IQGAP1: variants seen among roughly 807,000 people sequenced by gnomAD.
The protein encoded by IQGAP1 is ras GTPase-activating-like protein IQGAP1.
Under a neutral mutation model 215.6 loss-of-function variants are expected in IQGAP1, and 66 were observed. The ratio of observed to expected loss-of-function variants is 0.31; its 90% CI spans 0.25 to 0.38. The LOEUF (loss-of-function observed/expected upper bound fraction) is 0.38. Ranked by LOEUF, IQGAP1 falls within the 10% of genes least tolerant of loss-of-function variation. The probability of loss-of-function intolerance (pLI) is 1.00; values close to 1 mark genes in which losing one functional copy is unlikely to be tolerated. For synonymous variants in IQGAP1, 772 were observed against 728.7 expected, an observed-to-expected ratio of 1.06 and a Z score of -0.96; for missense variants, 1,712 against 1,997.1, an observed-to-expected ratio of 0.86 and a Z score of 2.72.
At chr15:90,416,969 G>A (rs1441672813) in intron 2 of IQGAP1, among the ~76,000 whole-genome samples, 1 of 152,126 alleles carries the variant, frequency 6.6e-6, no homozygotes, top group African/African-American at 2.4e-5. Context: ...GGCCAGTGAT[G>A]ACCATTTTTT....
chr15:90,466,102 C>G lies in IQGAP1; in HGVS notation c.1867+11C>G, dbSNP rs1395733423. ...AAGAAGCACAGAAGTGTATGTATCACCTGTTTTATTTCTGTTTTGGTGGAG... is the reference window on the plus strand; with the variant it reads ...AAGAAGCACAGAAGTGTATGTATCAGCTGTTTTATTTCTGTTTTGGTGGAG... On this transcript the variant is annotated intron_variant, in intron 16 of 37. Coordinates refer to ENST00000268182, the MANE Select transcript of IQGAP1 (RefSeq NM_003870.4). The G allele has an allele frequency of 6.2e-7, 1 of 1,612,126 alleles. No individual in the cohort carries two copies. The highest frequency in any genetic ancestry group is 1.1e-5 in the South Asian group (1 of 91,036).
chr15:90,487,427 TGC>T lies in IQGAP1; in HGVS notation c.4161-67_4161-66del, dbSNP rs1193669924. On this transcript the variant is annotated intron_variant, in intron 32 of 37. Coordinates refer to ENST00000268182, the MANE Select transcript of IQGAP1 (RefSeq NM_003870.4). ...CTGTTTGTGCTGCTGCTGCTGCTGC[TGC>T]TTCGGTCCACTTGAGAGGAACTAGA... The T allele has an allele frequency of 1.1e-5, 12 of 1,129,554 alleles. No individual in the cohort carries two copies. In the Admixed American group the frequency reaches 1.1e-4, roughly 10 times the overall value. 70.0% of individuals were successfully genotyped at this position (1,129,554 alleles called of 1,614,324 possible). A position where few individuals can be genotyped will look rare whatever the true frequency, so the allele number is the denominator to read the frequency against.
chr15:90,470,597 C>T (rs1965892150), intron 18 of IQGAP1, among the ~76,000 whole-genome samples: 1 of 152,028 alleles, frequency 6.6e-6, no homozygotes, highest in Non-Finnish European at 1.5e-5. Context: ...ATGGAATTTC[C>T]CTGATCTGGC....
At chr15:90,416,703 G>A (rs1381467054) in intron 2 of IQGAP1, among the ~76,000 whole-genome samples, 2 of 151,572 alleles carry the variant, frequency 1.3e-5, no homozygotes, top group African/African-American at 2.4e-5. Context: ...TCAGCCTCCC[G>A]AGTAGCTGGG....
Position 90,494,539 on chromosome 15 carries a change from T to A in IQGAP1, c.4629-174T>A, listed in dbSNP as rs915381209. 2.1e-5 allele frequency: 9 copies of A among 429,780 alleles called. No individual in the cohort carries two copies. In the Admixed American group the frequency reaches 3.0e-4, roughly 14 times the overall value. The allele number at this position is 429,780 out of a possible 1,614,324, so 26.6% of individuals were successfully genotyped here. A position where few individuals can be genotyped will look rare whatever the true frequency, so the allele number is the denominator to read the frequency against. ...GCAATTTAGTAATATTTCCCCTGTT[T>A]TGCAGAGATATTGCTTAGGCTAATT... On this transcript the variant is annotated intron_variant, in intron 35 of 37. Transcript: ENST00000268182.
Position 90,500,272 on chromosome 15 carries a change from C to T in IQGAP1, c.*164C>T, listed in dbSNP as rs932643170. 2 of 561,760 alleles carry T rather than the reference C, an allele frequency of 3.6e-6. No homozygotes were observed. Among genetic ancestry groups the T allele is most frequent in the Non-Finnish European group, 6.4e-6 (2 of 311,640 alleles). 34.8% of individuals were successfully genotyped at this position (561,760 alleles called of 1,614,324 possible). A position where few individuals can be genotyped will look rare whatever the true frequency, so the allele number is the denominator to read the frequency against. Reference sequence around the variant, plus strand: ...TTTAACTCCTCTCGCTCTGATGGGACATTTGTTACCCTTTTTTCATAGTGA... The same window carrying T: ...TTTAACTCCTCTCGCTCTGATGGGATATTTGTTACCCTTTTTTCATAGTGA... On this transcript the variant is annotated 3_prime_UTR_variant, in exon 38 of 38. Transcript: ENST00000268182.
Position 90,487,031 on chromosome 15 carries a change from A to G in IQGAP1, c.4102A>G (p.Lys1368Glu). The G allele has an allele frequency of 1.2e-6, 2 of 1,614,112 alleles. No homozygotes were observed. Among genetic ancestry groups the G allele is most frequent in the Non-Finnish European group, 1.7e-6 (2 of 1,179,986 alleles). ...KTEVSLTLTN[K>E]FDVPGDENAE... ...GGAAGTGTCTCTCACCCTGACCAAC[A>G]AGTTCGACGTGCCTGGAGATGAGAA... The change falls in exon 32 of 38, where the codon AAG becomes GAG. Residue 1368 changes from lysine (K) to glutamate (E), a missense_variant. Transcript: ENST00000268182.
intron 2 of IQGAP1, among the ~76,000 whole-genome samples, chr15:90,412,398 A>G (rs1191392142): frequency 6.6e-6 from 1 of 151,966 alleles, no homozygotes; most frequent in Non-Finnish European, 1.5e-5. Flanking sequence ...TTCTCCTACA[A>G]CTGCTCAGAA....
intron 2 of IQGAP1, among the ~76,000 whole-genome samples, chr15:90,417,652 T>C (rs1440815958): frequency 3.9e-5 from 6 of 152,180 alleles, no homozygotes; most frequent in Admixed American, 3.3e-4. Flanking sequence ...AGCATGATGC[T>C]TCCAGCTTTG....
At chr15:90,438,800 C>T (rs763475740) in intron 5 of IQGAP1, among the ~76,000 whole-genome samples, 3 of 151,398 alleles carry the variant, frequency 2.0e-5, no homozygotes, top group Non-Finnish European at 2.9e-5. Context: ...TCTCGGCTCA[C>T]TGCAGCCTTT....
At chr15:90,430,861 A>G (rs1240401176) in intron 4 of IQGAP1, among the ~76,000 whole-genome samples, 1 of 150,386 alleles carries the variant, frequency 6.6e-6, no homozygotes, top group Non-Finnish European at 1.5e-5. Flanking sequence ...AATATTGTAT[A>G]CATTTTATAT....
At chr15:90,459,626 A>G (rs1035737340) in intron 15 of IQGAP1, among the ~76,000 whole-genome samples, 12 of 152,232 alleles carry the variant, frequency 7.9e-5, no homozygotes, top group Non-Finnish European at 1.3e-4. Flanking sequence ...AAAATTGCTT[A>G]ACATTGCCAG....
chr15:90,498,826 T>TTG (rs1000989152), intron 37 of IQGAP1, among the ~76,000 whole-genome samples: 1 of 150,860 alleles, frequency 6.6e-6, no homozygotes, highest in Non-Finnish European at 1.5e-5. Context: ...TTTTTTTTTT[T>TTG]TTGAGACAGT....
intron 37 of IQGAP1, among the ~76,000 whole-genome samples, chr15:90,498,665 G>C (rs1013207797): frequency 5.3e-5 from 8 of 151,382 alleles, no homozygotes; most frequent in African/African-American, 1.2e-4. Context: ...TTTTGGAGGG[G>C]GGGGCAGAGT....
rs1435301963 is a variant in IQGAP1 at position 90,492,649 on chromosome 15, G to A, written c.4566G>A (p.Glu1522=). The change falls in exon 35 of 38, where the codon GAG becomes GAA. Residue 1522 remains glutamate (E), a synonymous_variant. Coordinates refer to ENST00000268182, the MANE Select transcript of IQGAP1 (RefSeq NM_003870.4). Reference sequence around the variant, plus strand: ...ACTCTAAGGCCACCTTTTATGGGGAGCAGGTGGATTACTATAAAAGCTATA... The same window carrying A: ...ACTCTAAGGCCACCTTTTATGGGGAACAGGTGGATTACTATAAAAGCTATA... ...ALNSKATFYG[E]QVDYYKSYIK... is the part of the protein sequence containing the mutation. 2 of 1,613,908 alleles carry A rather than the reference G, an allele frequency of 1.2e-6. No individual in the cohort carries two copies. Among genetic ancestry groups the A allele is most frequent in the East Asian group, 2.2e-5 (1 of 44,884 alleles).
intron 2 of IQGAP1, among the ~76,000 whole-genome samples, chr15:90,400,291 A>C (rs889402053): frequency 6.6e-6 from 1 of 152,146 alleles, no homozygotes; most frequent in Non-Finnish European, 1.5e-5. Context: ...TGTGTCTCAC[A>C]TACATCTTTT....
At position 90,477,165 on chromosome 15, in the gene IQGAP1, G is replaced by T. The variant is rs568271170; in HGVS notation, c.3039G>T (p.Ala1013=). Residue 1013 remains alanine, a synonymous_variant, in exon 25 of 38, where the codon GCG becomes GCT. Transcript: ENST00000268182. ...TAATCTTCACACTCTACAACTACGC[G>T]TCCAACCAGCGAGAGGAGTACCTGC... ...DSVIFTLYNY[A]SNQREEYLLL... The T allele has an allele frequency of 5.0e-6, 8 of 1,613,882 alleles. No homozygotes were observed. The highest frequency in any genetic ancestry group is 6.8e-6 in the Non-Finnish European group (8 of 1,179,942).
At chr15:90,489,718 C>G (rs965280045) in intron 33 of IQGAP1, among the ~76,000 whole-genome samples, 5 of 152,108 alleles carry the variant, frequency 3.3e-5, no homozygotes, top group Admixed American at 6.5e-5. Flanking sequence ...TGACTGATTA[C>G]TGATTAGATA....
chr15:90,462,038 T>C (rs891752178), intron 15 of IQGAP1, among the ~76,000 whole-genome samples: 2 of 149,054 alleles, frequency 1.3e-5, no homozygotes, highest in Admixed American at 1.3e-4. Flanking sequence ...GGTAGGCGCC[T>C]GCGCCTTTAG....
Sources: allele counts gnomAD v4.1 joint callset (sites outside exome capture counted in the v4.1 genomes callset), GRCh38; gene constraint gnomAD v4.1.1; transcripts MANE v1.5; gene names NCBI Gene and HGNC (gene_info 2026-07-23, HGNC 2026-07-21).